Variants in RGSL1 observed in about 807,000 individuals in gnomAD.
The protein encoded by RGSL1 is regulator of G protein signaling protein-like.
A neutral mutation model predicts 124.7 loss-of-function variants in RGSL1; 97 were observed. The observed-to-expected ratio is 0.78, with a 90% CI of 0.66 to 0.92. RGSL1 has a LOEUF of 0.92. RGSL1 is among the 40% of genes least tolerant of loss of function. The pLI is 0.00. For synonymous variants in RGSL1, 424 were observed against 438.1 expected, an observed-to-expected ratio of 0.97 and a Z score of 0.40; for missense variants, 1,233 against 1,288.4, an observed-to-expected ratio of 0.96 and a Z score of 0.66.
At chr1:182,522,903 A>C (rs538313662) in intron 10 of RGSL1, among the ~76,000 whole-genome samples, 1 of 152,198 alleles carries the variant, frequency 6.6e-6, no homozygotes, top group African/African-American at 2.4e-5. Flanking sequence ...TTATCTATCT[A>C]TAATGGCTAG....
At chr1:182,549,044 C>A (rs557078407) in intron 17 of RGSL1, 9 of 470,528 alleles carry the variant, frequency 1.9e-5, no homozygotes, top group Non-Finnish European at 3.3e-5. Flanking sequence ...GAGAGCCAAA[C>A]GCCTGGTTTC....
chr1:182,463,937 A>T (rs1012553606), intron 4 of RGSL1, among the ~76,000 whole-genome samples: 1 of 152,216 alleles, frequency 6.6e-6, no homozygotes, highest in African/African-American at 2.4e-5. Context: ...CACATGGAAC[A>T]TTTTCTGGGA....
At chr1:182,509,821 C>T (rs1260494370) in intron 9 of RGSL1, among the ~76,000 whole-genome samples, 2 of 129,570 alleles carry the variant, frequency 1.5e-5, no homozygotes, top group Non-Finnish European at 3.4e-5. Flanking sequence ...GGGGCTGACC[C>T]CCCCCCACCT....
rs116796373 is a variant in RGSL1, at chr1:182,534,625, C to T, written c.2494+1834C>T. ...GGTGGATCACTTGAGGTCGGGAATTCGAGACCAGCCTAACCAACATGGTGA... is the reference window on the plus strand; with the variant it reads ...GGTGGATCACTTGAGGTCGGGAATTTGAGACCAGCCTAACCAACATGGTGA... On this transcript the variant is annotated intron_variant, in intron 14 of 21. Transcript: ENST00000294854. 9.5e-3 allele frequency among the ~76,000 whole-genome samples: 1,450 copies of T among 152,174 alleles called. 28 individuals carry two copies. The highest frequency in any genetic ancestry group is 0.033 in the African/African-American group (1,384 of 41,516).
chr1:182,456,757 A>G (rs1372633083), intron 2 of RGSL1, among the ~76,000 whole-genome samples: 1 of 152,214 alleles, frequency 6.6e-6, no homozygotes, highest in East Asian at 1.9e-4. Flanking sequence ...ATAAAGAGAG[A>G]CAGCAGTAGT....
intron 4 of RGSL1, chr1:182,460,819 A>G (rs1210515652): frequency 1.2e-5 from 5 of 430,186 alleles, no homozygotes; most frequent in Non-Finnish European, 2.3e-5. Flanking sequence ...AACTTTAGAC[A>G]GTAAATTGTA....
In RGSL1 at chr1:182,473,708, G is replaced by C; in HGVS notation, c.597G>C (p.Lys199Asn). 1 of 1,551,660 alleles carries C rather than the reference G, an allele frequency of 6.4e-7. No homozygotes were observed. The highest frequency in any genetic ancestry group is 1.2e-5 in the South Asian group (1 of 84,062). The change falls in exon 6 of 22, where the codon AAG (lysine) becomes AAC (asparagine). Residue 199 changes from lysine to asparagine, a missense_variant. Transcript: ENST00000294854. ...TTCCCAACTTTTACACCCACACCAA[G>C]ATGACCATGGCCAAGGAGGAAGCAT... ...YWLPNFYTHTKMTMAKEEACH... is the reference protein window; with the variant it reads ...YWLPNFYTHTNMTMAKEEACH...
chr1:182,510,010 C>T (rs1266467522), intron 9 of RGSL1, among the ~76,000 whole-genome samples: 14 of 93,682 alleles, frequency 1.5e-4, no homozygotes, highest in African/African-American at 5.2e-4. Flanking sequence ...GGGGTCTCGG[C>T]CGGGCAGAGG....
chr1:182,474,158 C>A lies in RGSL1; in HGVS notation c.1047C>A (p.Val349=). The part of the protein sequence containing the change: ...STHLRTVIPI[V]NHSSKMTIQK... ...ACCTGAGGACTGTCATCCCCATTGT[C>A]AATCACTCCTCCAAGATGACAATTC... The change falls in exon 6 of 22, where the codon GTC becomes GTA. Residue 349 remains valine (V), a synonymous_variant. Transcript: ENST00000294854. The A allele has an allele frequency of 6.4e-7, 1 of 1,552,070 alleles. No homozygotes were observed. The highest frequency in any genetic ancestry group is 2.4e-5 in the East Asian group (1 of 40,918).
intron 9 of RGSL1, among the ~76,000 whole-genome samples, chr1:182,500,189 T>G (rs1388897635): frequency 1.3e-5 from 2 of 152,248 alleles, no homozygotes; most frequent in African/African-American, 4.8e-5. Context: ...AATTTTTTTG[T>G]GTGGTGTGAG....
At chr1:182,527,378 G>A (rs1404731908) in intron 10 of RGSL1, among the ~76,000 whole-genome samples, 1 of 152,090 alleles carries the variant, frequency 6.6e-6, no homozygotes, top group Non-Finnish European at 1.5e-5. Flanking sequence ...GAAGATATTG[G>A]ACCAAGCTTA....
intron 9 of RGSL1, among the ~76,000 whole-genome samples, chr1:182,493,497 T>C (rs1004521351): frequency 2.6e-5 from 4 of 152,130 alleles, no homozygotes; most frequent in Admixed American, 2.6e-4. Context: ...GAATAATACC[T>C]CTAAGAGAGT....
intron 10 of RGSL1, among the ~76,000 whole-genome samples, chr1:182,522,541 GTCTC>G (rs1658425875): frequency 6.6e-6 from 1 of 151,926 alleles, no homozygotes; most frequent in South Asian, 2.1e-4. Context: ...CTTACTTCTT[GTCTC>G]TCTCCACTTA....
intron 15 of RGSL1, among the ~76,000 whole-genome samples, chr1:182,547,117 C>T (rs10911093): frequency 0.52 from 79,622 of 152,038 alleles, 21,068 homozygotes; most frequent in Non-Finnish European, 0.56. Flanking sequence ...TACTGAACAC[C>T]GGTTTTGACA....
intron 6 of RGSL1, among the ~76,000 whole-genome samples, chr1:182,476,331 C>T (rs749605406): frequency 2.6e-5 from 4 of 152,104 alleles, no homozygotes; most frequent in African/African-American, 4.8e-5. Flanking sequence ...GATATTTGTA[C>T]GTGGAGAAGA....
intron 6 of RGSL1, among the ~76,000 whole-genome samples, chr1:182,477,555 G>C (rs556538174): frequency 6.6e-6 from 1 of 152,286 alleles, no homozygotes; most frequent in East Asian, 1.9e-4. Flanking sequence ...CCTAGAGACA[G>C]CCACATTCAA....
chr1:182,473,934 A>G lies in RGSL1; in HGVS notation c.823A>G (p.Ile275Val). The G allele has an allele frequency of 7.1e-6, 11 of 1,552,064 alleles. No homozygotes were observed. The highest frequency in any genetic ancestry group is 9.6e-6 in the Non-Finnish European group (11 of 1,147,064). The change falls in exon 6 of 22, where the codon ATT (isoleucine) becomes GTT (valine). Residue 275 changes from isoleucine (I) to valine (V), a missense_variant. Physicochemically the swap from Ile to Val is conservative, Grantham distance 29 (BLOSUM62 3). Transcript: ENST00000294854. ...SLEMDLKPDA[I>V]GMPLQETCPQ... ...GGAAATGGATCTCAAGCCAGATGCT[A>G]TTGGTATGCCCCTACAGGAGACATG...
At chr1:182,530,641 A>T in intron 12 of RGSL1, 149 bp from the exon 13 acceptor site, 1 of 920,824 alleles carries the variant, frequency 1.1e-6, no homozygotes, top group African/African-American at 1.7e-5. Context: ...CAAAGGTCTG[A>T]TAGAGTAAGA....
At chr1:182,554,487 G>T in intron 19 of RGSL1, 140 bp from the exon 20 acceptor site, 1 of 691,496 alleles carries the variant, frequency 1.4e-6, no homozygotes, top group Non-Finnish European at 2.6e-6. Context: ...GAACAGGCCT[G>T]CTTTACCTTC....
Sources: gnomAD v4.1 joint callset for allele counts (sites outside exome capture counted in the v4.1 genomes callset) on GRCh38, gnomAD v4.1.1 for gene constraint, MANE v1.5 for transcripts, NCBI Gene and HGNC (gene_info 2026-07-23, HGNC 2026-07-21) for gene names.